Variants in DPYD observed in about 807,000 individuals in gnomAD.
DPYD encodes the protein dihydropyrimidine dehydrogenase [NADP(+)].
Under a neutral mutation model 116.2 loss-of-function variants are expected in DPYD, and 109 were observed. The observed-to-expected ratio is 0.94, with a 90% confidence interval of 0.80 to 1.10. The LOEUF (loss-of-function observed/expected upper bound fraction) is 1.10. Ranked by LOEUF, DPYD falls within the 50% of genes least tolerant of loss-of-function variation. The pLI, the probability that DPYD is intolerant of heterozygous loss-of-function variation, is 0.00. For missense variants in DPYD, 1,302 were observed against 1,254.5 expected (o/e 1.04, Z -0.57); for synonymous variants, 440 against 432.0 (o/e 1.02, Z -0.23).
chr1:97,591,853 A>C lies in DPYD; in HGVS notation c.1128+1365T>G, dbSNP rs536037658. Reference sequence around the variant, plus strand: ...TGTTTCTTTCTATGTGTAAAAAAAAACCATGATTACACTAATTATTGCCTA... The same window carrying C: ...TGTTTCTTTCTATGTGTAAAAAAAACCCATGATTACACTAATTATTGCCTA... On this transcript the variant is annotated intron_variant, in intron 10 of 22. Coordinates refer to ENST00000370192, the MANE Select transcript of DPYD (RefSeq NM_000110.4). Among the ~76,000 whole-genome samples, 31 of 152,198 alleles carry C rather than the reference A, an allele frequency of 2.0e-4. No individual in the cohort carries two copies. The South Asian group carries it at 5.6e-3, about 28-fold the overall frequency.
At chr1:97,693,010 G>C (rs776342405) in intron 6 of DPYD, among the ~76,000 whole-genome samples, 3 of 151,942 alleles carry the variant, frequency 2.0e-5, no homozygotes, top group Non-Finnish European at 2.9e-5. Context: ...GAAAATGCAA[G>C]GTATCCGCGG....
chr1:97,532,220 C>T (rs1188749412), intron 12 of DPYD, among the ~76,000 whole-genome samples: 1 of 151,946 alleles, frequency 6.6e-6, no homozygotes, highest in Non-Finnish European at 1.5e-5. Context: ...ATAAGTCTTG[C>T]TTTATAGAGA....
At chr1:97,440,561 G>T (rs1453633958) in intron 14 of DPYD, among the ~76,000 whole-genome samples, 1 of 151,884 alleles carries the variant, frequency 6.6e-6, no homozygotes, top group Non-Finnish European at 1.5e-5. Context: ...GAGCATCTTT[G>T]AATTATAAAA....
intron 20 of DPYD, among the ~76,000 whole-genome samples, chr1:97,184,450 A>G (rs573140995): frequency 6.6e-6 from 1 of 152,198 alleles, no homozygotes; most frequent in South Asian, 2.1e-4. Context: ...GTTTTTATTA[A>G]TAACCATTCT....
intron 2 of DPYD, among the ~76,000 whole-genome samples, chr1:97,833,910 G>T (rs891165259): frequency 6.6e-6 from 1 of 151,976 alleles, no homozygotes; most frequent in Non-Finnish European, 1.5e-5. Context: ...TGAAAACCAT[G>T]ATCCTTTTCC....
chr1:97,705,891 T>A (rs904061269), intron 5 of DPYD, among the ~76,000 whole-genome samples: 3 of 152,130 alleles, frequency 2.0e-5, no homozygotes, highest in Admixed American at 1.3e-4. Flanking sequence ...CCAGTGATGA[T>A]GAGCATTTTT....
At chr1:97,503,432 C>T (rs1679708363) in intron 13 of DPYD, among the ~76,000 whole-genome samples, 1 of 151,978 alleles carries the variant, frequency 6.6e-6, no homozygotes, top group Non-Finnish European at 1.5e-5. Context: ...CCTGGATTTT[C>T]ACTGCAGCCA....
chr1:97,160,932 T>C (rs957964776), intron 20 of DPYD, among the ~76,000 whole-genome samples: 5 of 152,282 alleles, frequency 3.3e-5, no homozygotes, highest in African/African-American at 1.2e-4. Context: ...TTAGTTAACT[T>C]GGCAAAATGC....
intron 18 of DPYD, among the ~76,000 whole-genome samples, chr1:97,279,289 C>T (rs1665153179): frequency 6.6e-6 from 1 of 151,878 alleles, no homozygotes; most frequent in Non-Finnish European, 1.5e-5. Context: ...TGATAACTGA[C>T]TTAGTAGAAA....
intron 20 of DPYD, among the ~76,000 whole-genome samples, chr1:97,160,394 T>G (rs748591887): frequency 6.6e-6 from 1 of 151,942 alleles, no homozygotes; most frequent in African/African-American, 2.4e-5. Context: ...TTAACTAAAC[T>G]AACACTGTAT....
intron 13 of DPYD, among the ~76,000 whole-genome samples, chr1:97,508,139 G>A (rs1258150613): frequency 6.6e-6 from 1 of 152,006 alleles, no homozygotes; most frequent in Non-Finnish European, 1.5e-5. Flanking sequence ...AACAGAAATA[G>A]ATGTCCAAGA....
intron 13 of DPYD, among the ~76,000 whole-genome samples, chr1:97,504,448 T>C (rs1162942734): frequency 6.6e-6 from 1 of 151,954 alleles, no homozygotes. Context: ...TAAGCTCTGT[T>C]CAATATGGTC....
At chr1:97,109,914 G>A (rs1260939054) in intron 20 of DPYD, among the ~76,000 whole-genome samples, 1 of 152,040 alleles carries the variant, frequency 6.6e-6, no homozygotes, top group East Asian at 1.9e-4. Flanking sequence ...ATTAAACATG[G>A]GAAAATATAT....
chr1:97,156,278 G>GA (rs1655449654), intron 20 of DPYD, among the ~76,000 whole-genome samples: 1 of 152,092 alleles, frequency 6.6e-6, no homozygotes, highest in Non-Finnish European at 1.5e-5. Context: ...CATTCTGATA[G>GA]AAAAATACAA....
At chr1:97,121,650 C>T (rs1570493598) in intron 20 of DPYD, among the ~76,000 whole-genome samples, 1 of 152,096 alleles carries the variant, frequency 6.6e-6, no homozygotes. Context: ...TTTCAGGGTG[C>T]TTTTGAACTC....
chr1:97,748,134 A>C (rs994213429), intron 3 of DPYD, among the ~76,000 whole-genome samples: 1 of 152,092 alleles, frequency 6.6e-6, no homozygotes, highest in Non-Finnish European at 1.5e-5. Flanking sequence ...TTAAGGGTTC[A>C]TTTTCTCCAT....
In DPYD at chr1:97,912,356, A is replaced by G. The variant is rs144163144; in HGVS notation, c.39+8528T>C. On this transcript the variant is annotated intron_variant, in intron 1 of 22. Transcript: ENST00000370192. ...CAAGGTAAATGTATGATAATAAGAGAGAGGCTTGAATACATTTTGATATCT... is the reference window on the plus strand; with the variant it reads ...CAAGGTAAATGTATGATAATAAGAGGGAGGCTTGAATACATTTTGATATCT... Among the ~76,000 whole-genome samples, 355 of 152,262 alleles carry G rather than the reference A, an allele frequency of 2.3e-3. 1 individual carries two copies. The highest frequency in any genetic ancestry group is 8.4e-3 in the African/African-American group (348 of 41,560).
intron 1 of DPYD, among the ~76,000 whole-genome samples, chr1:97,898,784 C>A (rs1196881997): frequency 6.6e-6 from 1 of 151,894 alleles, no homozygotes; most frequent in Non-Finnish European, 1.5e-5. Flanking sequence ...GAATACGTCT[C>A]ATGAGATCTG....
At position 97,266,268 on chromosome 1, in the gene DPYD, G is replaced by A. The variant is rs77097117; in HGVS notation, c.2300-31274C>T. ...GTATCCAATTGGCTTAGCATATCAA[G>A]GGAGAATACTAACTAGAGAATGAAA... On this transcript the variant is annotated intron_variant, in intron 18 of 22. Coordinates refer to ENST00000370192, the MANE Select transcript of DPYD (RefSeq NM_000110.4). Among the ~76,000 whole-genome samples the A allele has an allele frequency of 1.8e-3, 272 of 152,228 alleles. 6 individuals carry two copies. Among genetic ancestry groups the A allele is most frequent in the East Asian group, 0.014 (71 of 5,162 alleles).
Sources: allele counts gnomAD v4.1 joint callset (sites outside exome capture counted in the v4.1 genomes callset), GRCh38; gene constraint gnomAD v4.1.1; transcripts MANE v1.5; gene names NCBI Gene and HGNC (gene_info 2026-07-23, HGNC 2026-07-21).